The following KDM7A variants were observed in gnomAD, a reference collection of about 807,000 sequenced individuals.
KDM7A encodes lysine-specific demethylase 7A.
In KDM7A, 28 loss-of-function variants were observed where a neutral mutation model predicts 114.8. The ratio of observed to expected loss-of-function variants is 0.24; its 90% CI spans 0.18 to 0.33. The LOEUF (loss-of-function observed/expected upper bound fraction) is 0.33. Among genes scored for constraint, KDM7A ranks in the 10% least tolerant of loss-of-function variants. The pLI is 1.00. For missense variants in KDM7A, 942 were observed against 1,142.5 expected (o/e 0.82, Z 2.53); for synonymous variants, 423 against 397.8 (o/e 1.06, Z -0.75).
chr7:140,158,047 G>A (rs1363611333), intron 1 of KDM7A, among the ~76,000 whole-genome samples: 1 of 151,514 alleles, frequency 6.6e-6, no homozygotes, highest in East Asian at 1.9e-4. Flanking sequence ...TGGGAAAAGG[G>A]CAATAGTCTT....
chr7:140,089,567 T>C lies in KDM7A; in HGVS notation c.*1527A>G, dbSNP rs1304707838. 1 of 152,196 alleles carries C rather than the reference T, an allele frequency of 6.6e-6. No homozygotes were observed. The highest frequency in any genetic ancestry group is 1.5e-5 in the Non-Finnish European group (1 of 68,034). The allele number at this position is 152,196 out of a possible 1,614,324, so 9.4% of individuals were successfully genotyped here. Reference sequence around the variant, plus strand: ...TATCTATTTGCCTATATTTTCTTTGTAGGAATTTGTAAAATGCTCTATTGT... The same window carrying C: ...TATCTATTTGCCTATATTTTCTTTGCAGGAATTTGTAAAATGCTCTATTGT... On this transcript the variant is annotated 3_prime_UTR_variant, in exon 20 of 20. Transcript: ENST00000397560.
intron 13 of KDM7A, 108 bp downstream of exon 13, chr7:140,099,791 C>T (rs1818173126): frequency 9.9e-7 from 1 of 1,011,968 alleles, no homozygotes; most frequent in East Asian, 2.4e-5. Context: ...AACTGTCTTC[C>T]ACAAAACCGG....
chr7:140,097,183 G>GA (rs1379025652), intron 15 of KDM7A, 136 bp from the exon 16 acceptor site: 15 of 663,786 alleles, frequency 2.3e-5, no homozygotes, highest in Non-Finnish European at 2.8e-5. Context: ...TAATTCACAT[G>GA]AAAAAAATGA....
At chr7:140,151,971 A>T (rs961325886) in intron 1 of KDM7A, among the ~76,000 whole-genome samples, 1 of 152,234 alleles carries the variant, frequency 6.6e-6, no homozygotes, top group South Asian at 2.1e-4. Flanking sequence ...GCAAAAACAT[A>T]TATCTAGGAC....
Position 140,096,777 on chromosome 7 carries a change from G to T in KDM7A, c.2166-14C>A, listed in dbSNP as rs1295927661. On this transcript the variant is annotated splice_polypyrimidine_tract_variant and intron_variant, in intron 16 of 19. Transcript: ENST00000397560. ...GTAGGACATTCCCTAAAGAAGAGAT[G>T]ATCCAAAAACACAAGAGTCTATTTT... 6.2e-7 allele frequency: 1 copy of T among 1,607,914 alleles called. No homozygotes were observed.
At chr7:140,130,522 G>A (rs1406850738) in intron 3 of KDM7A, among the ~76,000 whole-genome samples, 1 of 152,018 alleles carries the variant, frequency 6.6e-6, no homozygotes, top group Non-Finnish European at 1.5e-5. Flanking sequence ...TTGGGAGGCT[G>A]AGGCAGGAGA....
chr7:140,165,495 A>G (rs1255187081), intron 1 of KDM7A, among the ~76,000 whole-genome samples: 1 of 152,188 alleles, frequency 6.6e-6, no homozygotes, highest in African/African-American at 2.4e-5. Flanking sequence ...GGTTTCAGGT[A>G]CCAGTGGTCA....
chr7:140,172,606 T>C (rs928495830), intron 1 of KDM7A, among the ~76,000 whole-genome samples: 4 of 151,974 alleles, frequency 2.6e-5, no homozygotes, highest in African/African-American at 9.7e-5. Flanking sequence ...GGAGCTGAGA[T>C]TGCGCCACTG....
At position 140,094,168 on chromosome 7, in the gene KDM7A, T is replaced by C. The variant is rs1268682335; in HGVS notation, c.2375-30A>G. The stretch of plus-strand genomic sequence containing the variant: ...AGAGAAGTTTTAGTTTAATTAACTT[T>C]GCACAAACTTGATTTGAAATGACAA... On this transcript the variant is annotated intron_variant, in intron 17 of 19. Transcript: ENST00000397560. 2.3e-6 allele frequency: 3 copies of C among 1,301,974 alleles called. No homozygotes were observed. In the South Asian group the frequency reaches 3.5e-5, roughly 15 times the overall value. 80.7% of individuals were successfully genotyped at this position (1,301,974 alleles called of 1,614,324 possible).
chr7:140,135,160 G>A lies in KDM7A; in HGVS notation c.281-1504C>T, dbSNP rs1191296389. Among the ~76,000 whole-genome samples, 3 of 148,658 alleles carry A rather than the reference G, an allele frequency of 2.0e-5. No individual in the cohort carries two copies. The East Asian group carries it at 5.9e-4, about 29-fold the overall frequency. On this transcript the variant is annotated intron_variant, in intron 2 of 19. Coordinates refer to ENST00000397560, the MANE Select transcript of KDM7A (RefSeq NM_030647.2). The stretch of plus-strand genomic sequence containing the variant: ...TTTAAAATCACTCCTAAATTTGAGT[G>A]TATTTCATTCCAGATTTTTTCTACT...
At position 140,176,402 on chromosome 7, in the gene KDM7A, C is replaced by T. The variant is rs983869327; in HGVS notation, c.194+342G>A. 7.0e-6 allele frequency among the ~76,000 whole-genome samples: 1 copy of T among 143,230 alleles called. No individual in the cohort carries two copies. Among genetic ancestry groups the T allele is most frequent in the African/African-American group, 2.5e-5 (1 of 40,042 alleles). 94.0% of individuals were successfully genotyped at this position (143,230 alleles called of 152,430 possible). On this transcript the variant is annotated intron_variant, in intron 1 of 19. Transcript: ENST00000397560. This position sits in a 1 kb window ranked among gnomAD's most constrained non-coding sequence, Gnocchi z 4.4. ...CCCGGGCTGGCGAGGGGCTGCGGACCCGGCCGGCGCTCCGCCCGACGCCCC... is the reference window on the plus strand; with the variant it reads ...CCCGGGCTGGCGAGGGGCTGCGGACTCGGCCGGCGCTCCGCCCGACGCCCC...
rs904796175 is a variant in KDM7A at position 140,088,230 on chromosome 7, C to G, written c.*2864G>C. Reference sequence around the variant, plus strand: ...TTCAATGTATTTCTAGGATACTGAACTACTACAAACTGCCAACTTTATATT... The same window carrying G: ...TTCAATGTATTTCTAGGATACTGAAGTACTACAAACTGCCAACTTTATATT... On this transcript the variant is annotated 3_prime_UTR_variant, in exon 20 of 20. Transcript: ENST00000397560. 7 of 322,606 alleles carry G rather than the reference C, an allele frequency of 2.2e-5. No individual in the cohort carries two copies. Among genetic ancestry groups the G allele is most frequent in the Non-Finnish European group, 3.9e-5 (7 of 178,532 alleles). 20.0% of individuals were successfully genotyped at this position (322,606 alleles called of 1,614,324 possible).
chr7:140,116,270 GTGTA>G (rs1398695589), intron 9 of KDM7A, among the ~76,000 whole-genome samples: 4 of 152,032 alleles, frequency 2.6e-5, no homozygotes, highest in South Asian at 4.2e-4. Context: ...GTGTGTGTGT[GTGTA>G]TATCATAGTA....
At chr7:140,129,456 A>T in intron 4 of KDM7A, 37 bp downstream of exon 4, 1 of 1,528,142 alleles carries the variant, frequency 6.5e-7, no homozygotes, top group Middle Eastern at 1.7e-4. Flanking sequence ...TACTTTTACC[A>T]TGTTTTCCCA....
At chr7:140,168,534 C>T (rs1203006265) in intron 1 of KDM7A, among the ~76,000 whole-genome samples, 1 of 151,442 alleles carries the variant, frequency 6.6e-6, no homozygotes, top group Non-Finnish European at 1.5e-5. Context: ...CACCACTGCA[C>T]TCCAGCCTGG....
At position 140,176,535 on chromosome 7, in the gene KDM7A, C is replaced by T. The variant is rs1168744431; in HGVS notation, c.194+209G>A. Among the ~76,000 whole-genome samples the T allele has an allele frequency of 6.8e-6, 1 of 146,826 alleles. No individual in the cohort carries two copies. Among genetic ancestry groups the T allele is most frequent in the South Asian group, 2.1e-4 (1 of 4,812 alleles). On this transcript the variant is annotated intron_variant, in intron 1 of 19. Coordinates refer to ENST00000397560, the MANE Select transcript of KDM7A (RefSeq NM_030647.2). This position sits in a 1 kb window ranked among gnomAD's most constrained non-coding sequence, Gnocchi z 4.4. ...GTGGCGACTCTTCGCCCGGGCCAGG[C>T]GAGCCCACCGGCTCCCCTCTGGAGC...
At chr7:140,171,147 T>C (rs777693248) in intron 1 of KDM7A, among the ~76,000 whole-genome samples, 96 of 152,076 alleles carry the variant, frequency 6.3e-4, no homozygotes, top group African/African-American at 2.3e-3. Flanking sequence ...TACACATTCA[T>C]ACAACCACCA....
chr7:140,140,868 T>C (rs1234793986), intron 1 of KDM7A, among the ~76,000 whole-genome samples: 2 of 151,748 alleles, frequency 1.3e-5, no homozygotes, highest in Non-Finnish European at 2.9e-5. Flanking sequence ...TTAAAAGGCA[T>C]AGGAATTAGG....
At chr7:140,135,184 C>CTA (rs947328840) in intron 2 of KDM7A, among the ~76,000 whole-genome samples, 4 of 150,138 alleles carry the variant, frequency 2.7e-5, no homozygotes, top group Admixed American at 2.7e-4. Context: ...ATTTTTTCTA[C>CTA]TATATATAGA....
Sources: allele counts gnomAD v4.1 joint callset (sites outside exome capture counted in the v4.1 genomes callset), GRCh38; gene constraint gnomAD v4.1.1; non-coding constraint Gnocchi (gnomAD v3.1); transcripts MANE v1.5; gene names NCBI Gene and HGNC (gene_info 2026-07-23, HGNC 2026-07-21).